ABI1: variants seen among roughly 807,000 people sequenced by gnomAD.
ABI1 encodes the protein abl interactor 1.
ABI1 carries 14 observed loss-of-function variants against 54.6 expected under a neutral mutation model. The observed-to-expected ratio is 0.26, with a 90% CI of 0.17 to 0.40. The LOEUF is 0.40. Among genes scored for constraint, ABI1 ranks in the 10% least tolerant of loss-of-function variants. The probability of loss-of-function intolerance (pLI) is 1.00; values close to 1 mark genes in which losing one functional copy is unlikely to be tolerated. For missense variants in ABI1, 443 were observed against 598.3 expected (o/e 0.74, Z 2.71); for synonymous variants, 194 against 209.3 (o/e 0.93, Z 0.63).
At chr10:26,790,274 C>A (rs1016000662) in intron 2 of ABI1, among the ~76,000 whole-genome samples, 18 of 152,166 alleles carry the variant, frequency 1.2e-4, no homozygotes, top group African/African-American at 4.3e-4. Flanking sequence ...TCCTTTTTCT[C>A]CACAACCTCG....
intron 2 of ABI1, among the ~76,000 whole-genome samples, chr10:26,783,248 C>T (rs542697293): frequency 1.5e-4 from 23 of 152,224 alleles, no homozygotes; most frequent in African/African-American, 5.5e-4. Flanking sequence ...GGTACTAGAG[C>T]AGTCAAATTC....
intron 8 of ABI1, among the ~76,000 whole-genome samples, chr10:26,757,661 G>A (rs895800368): frequency 1.3e-5 from 2 of 152,012 alleles, no homozygotes; most frequent in African/African-American, 2.4e-5. Flanking sequence ...TTTTAGTCTG[G>A]AAAAAAAGCT....
chr10:26,758,141 T>G (rs1279772798), intron 8 of ABI1, among the ~76,000 whole-genome samples: 1 of 148,980 alleles, frequency 6.7e-6, no homozygotes, highest in Non-Finnish European at 1.5e-5. Context: ...TCATTCATTA[T>G]AAATAAAAAG....
intron 7 of ABI1, 92 bp from the exon 8 acceptor site, chr10:26,759,330 A>C: frequency 9.6e-7 from 1 of 1,045,090 alleles, no homozygotes; most frequent in East Asian, 2.7e-5. Flanking sequence ...GGCCTCAGTA[A>C]GAAATATTTA....
chr10:26,860,798 ACT>A lies in ABI1; in HGVS notation c.64_65del (p.Ser22LeufsTer12). On this transcript the variant is annotated frameshift_variant, in exon 1 of 11. Coordinates refer to ENST00000376140, the MANE Select transcript of ABI1 (RefSeq NM_001012750.3). LOFTEE classifies it high-confidence loss of function. The surrounding 1 kb of genome is among the most constrained non-coding windows in gnomAD (Gnocchi z 4.1). ...CTGCCACCCGAGTCAGGTTCTGGTA[ACT>A]CTCGATCAGCGCCCTCTTGCCAGAC... ...IPSGKRALIE[S>X]YQNLTRVADY... is the part of the protein sequence containing the mutation. 6.2e-7 allele frequency: 1 copy of A among 1,613,922 alleles called. No individual in the cohort carries two copies. Among genetic ancestry groups the A allele is most frequent in the Non-Finnish European group, 8.5e-7 (1 of 1,179,946 alleles).
intron 1 of ABI1, among the ~76,000 whole-genome samples, chr10:26,836,350 CA>C (rs1239078761): frequency 6.6e-6 from 1 of 151,848 alleles, no homozygotes; most frequent in South Asian, 2.1e-4. Flanking sequence ...TGACCTCAGG[CA>C]ATCCACCTGC....
At chr10:26,801,492 A>C (rs1459893676) in intron 2 of ABI1, among the ~76,000 whole-genome samples, 1 of 152,094 alleles carries the variant, frequency 6.6e-6, no homozygotes, top group African/African-American at 2.4e-5. Context: ...GGTTGCGGTG[A>C]GCCAAGATCA....
chr10:26,802,213 G>A (rs1370989142), intron 2 of ABI1, among the ~76,000 whole-genome samples: 2 of 152,150 alleles, frequency 1.3e-5, no homozygotes, highest in Admixed American at 1.3e-4. Context: ...TAAGGCAGGC[G>A]CCAGATGCCA....
chr10:26,772,216 T>C (rs975428985), intron 3 of ABI1, among the ~76,000 whole-genome samples: 2 of 152,106 alleles, frequency 1.3e-5, no homozygotes, highest in African/African-American at 4.8e-5. Context: ...TACCTAACCA[T>C]GACATTTCAC....
intron 1 of ABI1, among the ~76,000 whole-genome samples, chr10:26,829,778 C>A (rs755713329): frequency 2.0e-5 from 3 of 152,038 alleles, no homozygotes; most frequent in Non-Finnish European, 2.9e-5. Context: ...AAGTCACTAG[C>A]GACTTTTGTA....
intron 2 of ABI1, among the ~76,000 whole-genome samples, chr10:26,817,264 T>A (rs2047634512): frequency 1.3e-5 from 2 of 152,138 alleles, no homozygotes; most frequent in African/African-American, 2.4e-5. Flanking sequence ...CCTCCCAAAG[T>A]GCTGGGATTA....
At chr10:26,798,408 A>G (rs899847042) in intron 2 of ABI1, among the ~76,000 whole-genome samples, 1 of 152,050 alleles carries the variant, frequency 6.6e-6, no homozygotes, top group Non-Finnish European at 1.5e-5. Context: ...AAAAGACTCA[A>G]CTGGCCATTG....
At chr10:26,753,692 A>C (rs1051418124) in intron 9 of ABI1, among the ~76,000 whole-genome samples, 1 of 152,240 alleles carries the variant, frequency 6.6e-6, no homozygotes, top group Non-Finnish European at 1.5e-5. Context: ...GAGAACACAT[A>C]AAATTTGTAC....
At chr10:26,839,915 A>C in intron 1 of ABI1, 1 of 594,624 alleles carries the variant, frequency 1.7e-6, no homozygotes, top group Non-Finnish European at 3.0e-6. Flanking sequence ...GCTGGAACCC[A>C]GGACTTTGGG....
At chr10:26,823,838 A>G (rs2133809586) in intron 1 of ABI1, among the ~76,000 whole-genome samples, 1 of 152,280 alleles carries the variant, frequency 6.6e-6, no homozygotes, top group South Asian at 2.1e-4. Context: ...ACTCCTATAG[A>G]TAACTCAGAA....
At chr10:26,786,406 G>A (rs1564498134) in intron 2 of ABI1, among the ~76,000 whole-genome samples, 1 of 151,856 alleles carries the variant, frequency 6.6e-6, no homozygotes, top group East Asian at 1.9e-4. Context: ...GTAGAGACGG[G>A]GCTTCACCAT....
chr10:26,858,112 T>A (rs865987981), intron 1 of ABI1, among the ~76,000 whole-genome samples: 4 of 152,116 alleles, frequency 2.6e-5, no homozygotes, highest in Non-Finnish European at 5.9e-5. Context: ...AGCAATAACT[T>A]AGCTCACCTT....
At chr10:26,806,064 C>T (rs1234725136) in intron 2 of ABI1, among the ~76,000 whole-genome samples, 1 of 152,180 alleles carries the variant, frequency 6.6e-6, no homozygotes, top group African/African-American at 2.4e-5. Flanking sequence ...ATCTATACTC[C>T]GTATCAACAT....
Position 26,839,768 on chromosome 10 carries a change from C to T in ABI1, c.118-16463G>A. On this transcript the variant is annotated intron_variant, in intron 1 of 10. Coordinates refer to ENST00000376140, the MANE Select transcript of ABI1 (RefSeq NM_001012750.3). ...GAGTTTGAGAGCAGACACAGCAACA[C>T]AGCAAAACCATGTCTCTACAGAAAA... 7.1e-6 allele frequency: 5 copies of T among 700,748 alleles called. No homozygotes were observed. In the South Asian group the frequency reaches 7.4e-5, roughly 10 times the overall value. 43.4% of individuals were successfully genotyped at this position (700,748 alleles called of 1,614,324 possible).
Sources: allele counts gnomAD v4.1 joint callset (sites outside exome capture counted in the v4.1 genomes callset), GRCh38; gene constraint gnomAD v4.1.1; non-coding constraint Gnocchi (gnomAD v3.1); transcripts MANE v1.5; gene names NCBI Gene and HGNC (gene_info 2026-07-23, HGNC 2026-07-21).